Variants in TRABD2B observed in about 807,000 individuals in gnomAD.
TRABD2B encodes metalloprotease TIKI2.
A neutral mutation model predicts 40.1 loss-of-function variants in TRABD2B; 14 were observed. That is an observed-to-expected ratio of 0.35 (90% CI 0.23 to 0.55). The LOEUF is 0.55. Ranked by LOEUF, TRABD2B falls within the 20% of genes least tolerant of loss-of-function variation. TRABD2B has a pLI of 0.90. For synonymous variants in TRABD2B, 263 were observed against 277.0 expected, an observed-to-expected ratio of 0.95 and a Z score of 0.50; for missense variants, 541 against 648.6, an observed-to-expected ratio of 0.83 and a Z score of 1.80.
chr1:47,843,542 G>T (rs956398082), intron 2 of TRABD2B, among the ~76,000 whole-genome samples: 48 of 152,308 alleles, frequency 3.2e-4, no homozygotes, highest in African/African-American at 1.2e-3. Flanking sequence ...TGAACAACCA[G>T]ACGGAGTGTC....
intron 2 of TRABD2B, among the ~76,000 whole-genome samples, chr1:47,988,776 C>T (rs1368235835): frequency 6.6e-6 from 1 of 152,204 alleles, no homozygotes; most frequent in Non-Finnish European, 1.5e-5. Flanking sequence ...GCCCAGCGCT[C>T]TCATGGGACA....
At chr1:47,878,659 T>C (rs867453314) in intron 2 of TRABD2B, among the ~76,000 whole-genome samples, 2 of 152,244 alleles carry the variant, frequency 1.3e-5, no homozygotes, top group Non-Finnish European at 2.9e-5. Context: ...AATTGAGCTA[T>C]CTCTTGAGAG....
intron 4 of TRABD2B, among the ~76,000 whole-genome samples, chr1:47,790,449 C>T (rs1233971686): frequency 6.6e-6 from 1 of 152,204 alleles, no homozygotes; most frequent in Non-Finnish European, 1.5e-5. Context: ...AAGGTTGTCA[C>T]ACATTTGCAC....
chr1:47,932,739 T>A (rs114204654), intron 2 of TRABD2B, among the ~76,000 whole-genome samples: 3 of 152,290 alleles, frequency 2.0e-5, no homozygotes, highest in Non-Finnish European at 4.4e-5. Context: ...CAGGTAACAG[T>A]CCCAGCCCCA....
At chr1:47,846,699 G>A (rs1645474707) in intron 2 of TRABD2B, among the ~76,000 whole-genome samples, 2 of 152,092 alleles carry the variant, frequency 1.3e-5, no homozygotes, top group South Asian at 4.1e-4. Flanking sequence ...GAAACATCTG[G>A]GGGACTTACT....
chr1:47,964,304 A>G (rs1318740734), intron 2 of TRABD2B, among the ~76,000 whole-genome samples: 1 of 152,228 alleles, frequency 6.6e-6, no homozygotes, highest in East Asian at 1.9e-4. Flanking sequence ...TGGGCTTAGC[A>G]GGTTCCAGAC....
chr1:47,826,271 T>C (rs1327792188), intron 2 of TRABD2B, among the ~76,000 whole-genome samples: 1 of 152,176 alleles, frequency 6.6e-6, no homozygotes, highest in African/African-American at 2.4e-5. Context: ...AATTTTACCA[T>C]TGTGTTTGGT....
At chr1:47,920,003 T>C (rs1644881040) in intron 2 of TRABD2B, among the ~76,000 whole-genome samples, 1 of 152,226 alleles carries the variant, frequency 6.6e-6, no homozygotes, top group Non-Finnish European at 1.5e-5. Context: ...CTGCCTCAGC[T>C]TCCTGTACAG....
chr1:47,817,899 C>T (rs1330203626), intron 2 of TRABD2B, among the ~76,000 whole-genome samples: 7 of 152,224 alleles, frequency 4.6e-5, no homozygotes, highest in Non-Finnish European at 1.0e-4. Context: ...AGCTCCTCCA[C>T]CCCCGTTTGA....
chr1:47,762,425 G>A lies in TRABD2B; in HGVS notation c.*3477C>T. On this transcript the variant is annotated 3_prime_UTR_variant, in exon 7 of 7. Transcript: ENST00000606738. ...TGGAGAACTTCTCTTGTCCTTCACA[G>A]CATTTTCAATAGACTTTCCTTTTGG... 6.6e-6 allele frequency: 1 copy of A among 152,190 alleles called. No individual in the cohort carries two copies. Among genetic ancestry groups the A allele is most frequent in the Non-Finnish European group, 1.5e-5 (1 of 68,038 alleles). The allele number at this position is 152,190 out of a possible 1,614,324, so 9.4% of individuals were successfully genotyped here. A position where few individuals can be genotyped will look rare whatever the true frequency, so the allele number is the denominator to read the frequency against.
At chr1:47,983,530 T>C (rs1189907989) in intron 2 of TRABD2B, among the ~76,000 whole-genome samples, 2 of 152,056 alleles carry the variant, frequency 1.3e-5, no homozygotes, top group Non-Finnish European at 2.9e-5. Flanking sequence ...TGACCAAGCA[T>C]TGTTATCACC....
rs3034532 is a variant in TRABD2B, at chr1:47,810,153, T to TGCGC, written c.667-8538_667-8535dup. On this transcript the variant is annotated intron_variant, in intron 2 of 6. Transcript: ENST00000606738. ...GGAATATAGGGTGTGTGTGTGTGTGTGCGCGCGCGCGCGCGCACGTGTGTG... is the reference window on the plus strand; with the variant it reads ...GGAATATAGGGTGTGTGTGTGTGTGTGCGCGCGCGCGCGCGCGCGCACGTGTGTG... 4.7e-4 allele frequency among the ~76,000 whole-genome samples: 71 copies of TGCGC among 151,186 alleles called. 1 individual carries two copies. The highest frequency in any genetic ancestry group is 1.3e-3 in the South Asian group (6 of 4,760).
At chr1:47,849,516 T>C (rs139443280) in intron 2 of TRABD2B, among the ~76,000 whole-genome samples, 56 of 152,286 alleles carry the variant, frequency 3.7e-4, no homozygotes, top group African/African-American at 7.2e-4. Flanking sequence ...TCACCTAAGA[T>C]TTGCCAAAAT....
rs903758988 is a variant in TRABD2B at position 47,765,984 on chromosome 1, G to A, written c.1472C>T (p.Ser491Leu). 11 of 701,822 alleles carry A rather than the reference G, an allele frequency of 1.6e-5. No individual in the cohort carries two copies. The highest frequency in any genetic ancestry group is 2.9e-5 in the Non-Finnish European group (11 of 384,458). The allele number at this position is 701,822 out of a possible 1,614,324, so 43.5% of individuals were successfully genotyped here. A position where few individuals can be genotyped will look rare whatever the true frequency, so the allele number is the denominator to read the frequency against. ...QQDPPGPASS[S>L]APTLGLLPAI... is the part of the protein sequence containing the mutation. ...GGGGAGAAGGCCCAGGGTGGGTGCC[G>A]AGCTGCTGGCGGGCCCTGGCGGGTC... The change falls in exon 7 of 7, where the codon TCG becomes TTG. Residue 491 changes from serine (S) to leucine (L), a missense_variant. Transcript: ENST00000606738.
At position 47,943,181 on chromosome 1, in the gene TRABD2B, C is replaced by A. The variant is rs138629609; in HGVS notation, c.666+50853G>T. Among the ~76,000 whole-genome samples the A allele has an allele frequency of 2.2e-4, 33 of 152,336 alleles. No individual in the cohort carries two copies. In the South Asian group the frequency reaches 6.8e-3, roughly 32 times the overall value. ...TGAAGATTCAACGAGGACACGCACACGCAATCCCCACTCAAGGACATGGCA... is the reference window on the plus strand; with the variant it reads ...TGAAGATTCAACGAGGACACGCACAAGCAATCCCCACTCAAGGACATGGCA... On this transcript the variant is annotated intron_variant, in intron 2 of 6. Coordinates refer to ENST00000606738, the MANE Select transcript of TRABD2B (RefSeq NM_001194986.2).
chr1:47,784,537 T>G (rs1023356761), intron 4 of TRABD2B, among the ~76,000 whole-genome samples: 29 of 152,306 alleles, frequency 1.9e-4, no homozygotes, highest in African/African-American at 6.5e-4. Context: ...TCCAGTTTTC[T>G]CCTCCTGGAA....
At chr1:47,934,480 G>A (rs1037066557) in intron 2 of TRABD2B, among the ~76,000 whole-genome samples, 4 of 152,264 alleles carry the variant, frequency 2.6e-5, no homozygotes, top group African/African-American at 9.6e-5. Flanking sequence ...AGGAGGCCTT[G>A]GCTGCCAGCG....
Position 47,996,952 on chromosome 1 carries a change from G to C in TRABD2B, c.-163C>G. 4 of 1,114,460 alleles carry C rather than the reference G, an allele frequency of 3.6e-6. No individual in the cohort carries two copies. The highest frequency in any genetic ancestry group is 4.4e-6 in the Non-Finnish European group (4 of 913,948). 69.0% of individuals were successfully genotyped at this position (1,114,460 alleles called of 1,614,324 possible). On this transcript the variant is annotated 5_prime_UTR_variant, in exon 1 of 7. Coordinates refer to ENST00000606738, the MANE Select transcript of TRABD2B (RefSeq NM_001194986.2). The surrounding 1 kb of genome is among the most constrained non-coding windows in gnomAD (Gnocchi z 4.6). ...GGCTGACTGTCCCTGTCGGACCTGG[G>C]GGTTTCTCTGGGGCCGGGCTCCGTC...
chr1:47,992,905 C>A (rs930026045), intron 2 of TRABD2B, among the ~76,000 whole-genome samples: 6 of 152,230 alleles, frequency 3.9e-5, no homozygotes, highest in African/African-American at 1.4e-4. Context: ...GCCGGCAAAT[C>A]AATCTGGCTT....
Sources: gnomAD v4.1 joint callset for allele counts (sites outside exome capture counted in the v4.1 genomes callset) on GRCh38, gnomAD v4.1.1 for gene constraint, Gnocchi (gnomAD v3.1) non-coding constraint, MANE v1.5 for transcripts, NCBI Gene and HGNC (gene_info 2026-07-23, HGNC 2026-07-21) for gene names.